The following PDK1 variants were observed in gnomAD, a reference collection of about 807,000 sequenced individuals.
PDK1 encodes the protein pyruvate dehydrogenase kinase 1, also known as [Pyruvate dehydrogenase (acetyl-transferring)] kinase isozyme 1, mitochondrial.
Under a neutral mutation model 54.2 loss-of-function variants are expected in PDK1, and 39 were observed. The ratio of observed to expected loss-of-function variants is 0.72; its 90% CI spans 0.56 to 0.94. The LOEUF (loss-of-function observed/expected upper bound fraction) is 0.94. PDK1 is among the 40% of genes least tolerant of loss of function. PDK1 has a pLI of 0.00. For synonymous variants in PDK1, 221 were observed against 207.1 expected (o/e 1.07, Z -0.58); for missense variants, 552 against 566.0 (o/e 0.98, Z 0.25).
chr2:172,636,200 A>G, the PDK1 span, among the ~76,000 whole-genome samples: 3 of 152,234 alleles, frequency 2.0e-5, no homozygotes, highest in African/African-American at 7.2e-5. Flanking sequence ...AAGGAATGCC[A>G]GAGGCTGGGC....
chr2:172,653,213 A>C, the PDK1 span, among the ~76,000 whole-genome samples: 1 of 152,202 alleles, frequency 6.6e-6, no homozygotes, highest in Admixed American at 6.5e-5. Flanking sequence ...AAAAACAAGG[A>C]ATAGGGAAAG....
the PDK1 span, among the ~76,000 whole-genome samples, chr2:172,661,788 A>G: frequency 2.6e-5 from 4 of 152,172 alleles, no homozygotes; most frequent in Non-Finnish European, 4.4e-5. Context: ...ACAATAAACA[A>G]TAGGGACTAT....
At chr2:172,647,417 C>G in the PDK1 span, among the ~76,000 whole-genome samples, 2 of 151,986 alleles carry the variant, frequency 1.3e-5, no homozygotes, top group Non-Finnish European at 2.9e-5. Flanking sequence ...CTGTAAAATG[C>G]AAGTAAGAAA....
chr2:172,630,130 T>C, the PDK1 span, among the ~76,000 whole-genome samples: 2 of 152,228 alleles, frequency 1.3e-5, no homozygotes, highest in Non-Finnish European at 2.9e-5. Context: ...CTTGGGATCA[T>C]ATGACTTTCC....
chr2:172,713,815 C>T, the PDK1 span, among the ~76,000 whole-genome samples: 3 of 152,268 alleles, frequency 2.0e-5, no homozygotes, highest in Non-Finnish European at 1.5e-5. Context: ...GGGTGTGGAT[C>T]CCGTCTGTTC....
chr2:172,633,213 A>T, the PDK1 span, among the ~76,000 whole-genome samples: 1 of 21,258 alleles, frequency 4.7e-5, no homozygotes, highest in Non-Finnish European at 1.3e-4. Context: ...TGGCTAATTA[A>T]AAAAAATTTT....
chr2:172,616,195 G>GTT, the PDK1 span, among the ~76,000 whole-genome samples: 3 of 152,096 alleles, frequency 2.0e-5, no homozygotes, highest in Non-Finnish European at 4.4e-5. Context: ...CAATTTAGCA[G>GTT]TTTTTTTGTA....
At chr2:172,614,806 A>T in the PDK1 span, among the ~76,000 whole-genome samples, 3 of 152,238 alleles carry the variant, frequency 2.0e-5, no homozygotes, top group African/African-American at 7.2e-5. Context: ...TGGCCAGAAA[A>T]ATTGACACCC....
At chr2:172,669,424 G>A in the PDK1 span, among the ~76,000 whole-genome samples, 1 of 152,172 alleles carries the variant, frequency 6.6e-6, no homozygotes, top group Non-Finnish European at 1.5e-5. Context: ...TACACTGATT[G>A]TTGGATGCTC....
chr2:172,679,627 G>C, the PDK1 span, among the ~76,000 whole-genome samples: 1 of 152,132 alleles, frequency 6.6e-6, no homozygotes, highest in African/African-American at 2.4e-5. Flanking sequence ...CCATCATAGG[G>C]TGAACAACTT....
the PDK1 span, among the ~76,000 whole-genome samples, chr2:172,667,188 A>G: frequency 3.3e-5 from 5 of 152,190 alleles, no homozygotes; most frequent in African/African-American, 1.2e-4. Context: ...TATTCCTAGA[A>G]AACAGAAGCA....
the PDK1 span, among the ~76,000 whole-genome samples, chr2:172,620,255 TAACTG>T: frequency 6.6e-6 from 1 of 152,118 alleles, no homozygotes; most frequent in African/African-American, 2.4e-5. Context: ...CTTCAGCAAA[TAACTG>T]GACAGTCTCC....
intron 8 of PDK1, among the ~76,000 whole-genome samples, chr2:172,584,644 G>C (rs1391179800): frequency 8.4e-6 from 1 of 118,508 alleles, no homozygotes; most frequent in Non-Finnish European, 1.7e-5. Flanking sequence ...AAAGGTACAT[G>C]CTTTTTTTTT....
the PDK1 span, among the ~76,000 whole-genome samples, chr2:172,681,268 T>C: frequency 1.5e-3 from 221 of 152,372 alleles, no homozygotes; most frequent in Admixed American, 3.4e-3. Context: ...TATTACATAA[T>C]GCCGCCCCAG....
chr2:172,585,241 C>A (rs1046237742), intron 8 of PDK1, among the ~76,000 whole-genome samples: 1 of 151,164 alleles, frequency 6.6e-6, no homozygotes, highest in African/African-American at 2.4e-5. Flanking sequence ...TCAAGTGATT[C>A]TCTTGTCTCA....
At chr2:172,566,040 A>G (rs776231384) in intron 5 of PDK1, among the ~76,000 whole-genome samples, 17 of 152,256 alleles carry the variant, frequency 1.1e-4, no homozygotes, top group Non-Finnish European at 2.2e-4. Flanking sequence ...TTAAATGCAT[A>G]TAAAATTTTG....
the PDK1 span, among the ~76,000 whole-genome samples, chr2:172,657,167 G>A: frequency 6.6e-6 from 1 of 151,940 alleles, no homozygotes; most frequent in Non-Finnish European, 1.5e-5. Context: ...AAGAAGAATT[G>A]TTTTGTTTTG....
rs186979464 is a variant in PDK1 at position 172,590,514 on chromosome 2, C to T, written c.1057-2421C>T. Reference sequence around the variant, plus strand: ...TGAGTGTTACAGCTCTTAAAGGTGGCATGTCTGGAGTTGTTTGTTCCTCCT... The same window carrying T: ...TGAGTGTTACAGCTCTTAAAGGTGGTATGTCTGGAGTTGTTTGTTCCTCCT... On this transcript the variant is annotated intron_variant, in intron 9 of 10. Coordinates refer to ENST00000282077, the MANE Select transcript of PDK1 (RefSeq NM_002610.5). 1.1e-3 allele frequency among the ~76,000 whole-genome samples: 163 copies of T among 152,126 alleles called. 1 individual carries two copies. Among genetic ancestry groups the T allele is most frequent in the African/African-American group, 3.7e-3 (154 of 41,476 alleles).
At chr2:172,591,414 C>T (rs1463495648) in intron 9 of PDK1, among the ~76,000 whole-genome samples, 1 of 152,218 alleles carries the variant, frequency 6.6e-6, no homozygotes, top group Non-Finnish European at 1.5e-5. Context: ...GTCCTCCATT[C>T]TCAGCAGTGA....
Sources: gnomAD v4.1 joint callset for allele counts (sites outside exome capture counted in the v4.1 genomes callset) on GRCh38, gnomAD v4.1.1 for gene constraint, MANE v1.5 for transcripts, NCBI Gene and HGNC (gene_info 2026-07-23, HGNC 2026-07-21) for gene names.